The following TRPM3 variants were observed in gnomAD, a reference collection of about 807,000 sequenced individuals.
TRPM3 encodes the protein long transient receptor potential channel 3.
TRPM3 carries 77 observed loss-of-function variants against 181.2 expected under a neutral mutation model. The observed-to-expected ratio is 0.42, with a 90% CI of 0.35 to 0.51. The LOEUF (loss-of-function observed/expected upper bound fraction) is 0.51, where lower values mean the gene tolerates loss of function less well. Ranked by LOEUF, TRPM3 falls within the 20% of genes least tolerant of loss-of-function variation. The pLI, the probability that TRPM3 is intolerant of heterozygous loss-of-function variation, is 0.01. For synonymous variants in TRPM3, 745 were observed against 796.4 expected, an observed-to-expected ratio of 0.94 and a Z score of 1.09; for missense variants, 1,759 against 2,196.7, an observed-to-expected ratio of 0.80 and a Z score of 3.98.
chr9:71,011,908 G>A (rs1196330602), intron 1 of TRPM3, among the ~76,000 whole-genome samples: 1 of 151,356 alleles, frequency 6.6e-6, no homozygotes, highest in African/African-American at 2.4e-5. Flanking sequence ...AGCCGCCCGA[G>A]CAACTGGGAC....
chr9:71,393,511 G>C (rs2093115009), intron 1 of TRPM3, among the ~76,000 whole-genome samples: 2 of 152,226 alleles, frequency 1.3e-5, no homozygotes, highest in South Asian at 4.2e-4. Flanking sequence ...ACAGAAAGAT[G>C]AAAACACCTG....
At chr9:70,929,174 T>G (rs2096750130) in intron 1 of TRPM3, among the ~76,000 whole-genome samples, 1 of 152,070 alleles carries the variant, frequency 6.6e-6, no homozygotes, top group African/African-American at 2.4e-5. Context: ...TGACTTTTTT[T>G]TTTTTTGCCT....
intron 1 of TRPM3, among the ~76,000 whole-genome samples, chr9:71,081,212 C>T (rs551627776): frequency 1.1e-4 from 16 of 152,264 alleles, no homozygotes; most frequent in Middle Eastern, 6.8e-3. Context: ...CAACAGACTA[C>T]CTGGAAAGAC....
At chr9:71,346,622 G>A (rs2091309942) in intron 1 of TRPM3, among the ~76,000 whole-genome samples, 1 of 152,150 alleles carries the variant, frequency 6.6e-6, no homozygotes, top group Non-Finnish European at 1.5e-5. Context: ...CATTGGCCAA[G>A]AGCCAAGGGA....
At chr9:71,131,370 T>C (rs1006978397) in intron 1 of TRPM3, among the ~76,000 whole-genome samples, 11 of 152,212 alleles carry the variant, frequency 7.2e-5, no homozygotes, top group African/African-American at 2.7e-4. Flanking sequence ...GAATTCTTCC[T>C]GTACTTTTCA....
chr9:70,937,959 T>A (rs562736412), intron 1 of TRPM3, among the ~76,000 whole-genome samples: 1 of 152,344 alleles, frequency 6.6e-6, no homozygotes, highest in Non-Finnish European at 1.5e-5. Context: ...TTGTTCTCTC[T>A]TTTGCCCCTC....
chr9:70,556,361 C>T (rs1015550883), intron 22 of TRPM3, among the ~76,000 whole-genome samples: 2 of 151,984 alleles, frequency 1.3e-5, no homozygotes, highest in African/African-American at 4.8e-5. Context: ...GCCTCCCCCA[C>T]CTTTTACTCA....
intron 14 of TRPM3, 40 bp from the exon 15 acceptor site, chr9:70,621,313 G>T (rs201096122): frequency 1.9e-6 from 3 of 1,551,872 alleles, no homozygotes; most frequent in Admixed American, 1.8e-5. Flanking sequence ...AGATCAGTTA[G>T]ATCTTTCTTT....
intron 6 of TRPM3, chr9:70,811,138 A>C (rs1447986506): frequency 6.5e-7 from 1 of 1,548,218 alleles, no homozygotes; most frequent in East Asian, 2.3e-5. Context: ...GAGTTTAAGA[A>C]GAAATTCACA....
chr9:70,548,053 A>G (rs894415987), intron 25 of TRPM3, among the ~76,000 whole-genome samples: 41 of 152,114 alleles, frequency 2.7e-4, no homozygotes, highest in African/African-American at 9.2e-4. Flanking sequence ...CTCCAGGTCT[A>G]TGGCTTTTCT....
At chr9:71,417,158 C>T (rs1449074806) in intron 1 of TRPM3, among the ~76,000 whole-genome samples, 3 of 151,940 alleles carry the variant, frequency 2.0e-5, no homozygotes, top group Non-Finnish European at 4.4e-5. Context: ...CATATATTTT[C>T]ACTGGGATCA....
rs1226052759 is a variant in TRPM3, at chr9:71,121,323, A to G, written c.32T>C (p.Leu11Pro). MPEPWGTVYF[L>P]GIAQVFSFLF... ...GAAACTGAAAACCTGAGCAATGCCT[A>G]GAAAATAAACGGTCCCCCACGGCTC... is the stretch of plus-strand genomic sequence containing the variant. The change falls in exon 1 of 26, where the codon CTA (leucine) becomes CCA (proline). Residue 11 changes from leucine to proline, a missense_variant. By Grantham distance (98) the Leu-to-Pro change is moderately conservative. This residue lies in a region of TRPM3 where 737 missense variants were observed against 957.4 expected (regional missense o/e 0.77). Transcript: ENST00000677713. The G allele has an allele frequency of 6.2e-7, 1 of 1,614,064 alleles. No individual in the cohort carries two copies. Among genetic ancestry groups the G allele is most frequent in the East Asian group, 2.2e-5 (1 of 44,814 alleles).
chr9:71,203,024 A>G (rs1471973956), intron 1 of TRPM3, among the ~76,000 whole-genome samples: 1 of 152,220 alleles, frequency 6.6e-6, no homozygotes, highest in Non-Finnish European at 1.5e-5. Flanking sequence ...ACTGTATGAA[A>G]ACAATGTCAA....
At chr9:71,420,759 G>GAA (rs2093729489) in intron 1 of TRPM3, among the ~76,000 whole-genome samples, 2 of 33,406 alleles carry the variant, frequency 6.0e-5, no homozygotes, top group African/African-American at 2.6e-4. Flanking sequence ...GAGAGAGAAA[G>GAA]AGAGAGAAAG....
chr9:70,646,224 G>A (rs2058820543), intron 9 of TRPM3, among the ~76,000 whole-genome samples: 1 of 152,224 alleles, frequency 6.6e-6, no homozygotes, highest in South Asian at 2.1e-4. Flanking sequence ...CCATTACTGG[G>A]TATGTACCCA....
intron 15 of TRPM3, 73 bp from the exon 16 acceptor site, chr9:70,620,438 A>G: frequency 1.3e-6 from 2 of 1,481,734 alleles, no homozygotes; most frequent in South Asian, 1.3e-5. Context: ...GCAGTTGTAT[A>G]TCTTCTCCCA....
At chr9:71,281,894 T>C (rs557243830) in intron 1 of TRPM3, among the ~76,000 whole-genome samples, 1 of 152,086 alleles carries the variant, frequency 6.6e-6, no homozygotes, top group African/African-American at 2.4e-5. Flanking sequence ...AAACCCCGTC[T>C]CTACTAAAAG....
chr9:71,052,125 C>T (rs530972480), intron 1 of TRPM3, among the ~76,000 whole-genome samples: 1 of 151,868 alleles, frequency 6.6e-6, no homozygotes, highest in South Asian at 2.1e-4. Context: ...CCTAGTGTCC[C>T]CAAAAATAGT....
At chr9:70,804,204 CCTG>C (rs2090077098) in intron 6 of TRPM3, among the ~76,000 whole-genome samples, 1 of 152,070 alleles carries the variant, frequency 6.6e-6, no homozygotes, top group Non-Finnish European at 1.5e-5. Flanking sequence ...GTGGCAGGCA[CCTG>C]TAACCCCAGC....
Sources: gnomAD v4.1 joint callset for allele counts (sites outside exome capture counted in the v4.1 genomes callset) on GRCh38, gnomAD v4.1.1 for gene constraint, gnomAD v4.1.1 regional missense constraint, MANE v1.5 for transcripts, NCBI Gene and HGNC (gene_info 2026-07-23, HGNC 2026-07-21) for gene names.